USP42: variants seen among roughly 807,000 people sequenced by gnomAD.
The protein encoded by USP42 is ubiquitin specific peptidase 42.
A neutral mutation model predicts 113.0 loss-of-function variants in USP42; 23 were observed. The ratio of observed to expected loss-of-function variants is 0.20; its 90% CI spans 0.15 to 0.29. The LOEUF is 0.29. Among genes scored for constraint, USP42 ranks in the 10% least tolerant of loss-of-function variants. The probability of loss-of-function intolerance (pLI) is 1.00; values close to 1 mark genes in which losing one functional copy is unlikely to be tolerated. For synonymous variants in USP42, 933 were observed against 699.0 expected (o/e 1.33, Z -5.28); for missense variants, 2,174 against 1,779.8 (o/e 1.22, Z -3.99).
At chr7:6,117,232 C>T (rs557076744) in intron 3 of USP42, among the ~76,000 whole-genome samples, 8 of 152,252 alleles carry the variant, frequency 5.3e-5, no homozygotes, top group Non-Finnish European at 1.0e-4. Flanking sequence ...AACCACTGAT[C>T]TGCTTTCCGT....
chr7:6,097,081 T>C, the USP42 span, among the ~76,000 whole-genome samples: 2 of 150,780 alleles, frequency 1.3e-5, no homozygotes, highest in African/African-American at 5.0e-5. Context: ...TAATTTTGTA[T>C]GTTTAGTAGA....
chr7:6,135,462 A>T (rs542862947), intron 3 of USP42, among the ~76,000 whole-genome samples: 4 of 151,942 alleles, frequency 2.6e-5, no homozygotes, highest in Non-Finnish European at 4.4e-5. Context: ...AGCCTGGCTA[A>T]CATGGTGAAA....
At chr7:6,102,109 AT>A (rs370131326), upstream of USP42, among the ~76,000 whole-genome samples, 29,813 of 121,596 alleles carry the variant, frequency 0.25, 3,546 homozygotes, top group East Asian at 0.67. Context: ...GTCTCCTAAG[AT>A]TTTTTTTTTT....
At chr7:6,142,517 G>A (rs1781488392) in intron 7 of USP42, among the ~76,000 whole-genome samples, 1 of 152,068 alleles carries the variant, frequency 6.6e-6, no homozygotes, top group African/African-American at 2.4e-5. Flanking sequence ...CGCCCGCCCG[G>A]AAAATTTTCT....
chr7:6,105,293 C>T (rs2128471722), intron 1 of USP42, among the ~76,000 whole-genome samples: 1 of 147,008 alleles, frequency 6.8e-6, no homozygotes, highest in South Asian at 2.1e-4. Flanking sequence ...ACCGGGGTAG[C>T]CGGGCTGCGC....
Position 6,139,211 on chromosome 7 carries a change from G to A in USP42, c.656+17G>A, listed in dbSNP as rs748105598. 2.6e-6 allele frequency: 4 copies of A among 1,545,096 alleles called. No individual in the cohort carries two copies. Among genetic ancestry groups the A allele is most frequent in the South Asian group, 2.4e-5 (2 of 82,690 alleles). On this transcript the variant is annotated intron_variant, in intron 5 of 17. Coordinates refer to ENST00000306177, the MANE Select transcript of USP42 (RefSeq NM_032172.3). The surrounding 1 kb of genome is among the most constrained non-coding windows in gnomAD (Gnocchi z 4.5). ...CAGCAATAAGTAAGTACAACAGAGC[G>A]CCAGCCATGTCTTCATTGGGGATCT...
chr7:6,107,143 C>T (rs529956643), intron 1 of USP42, among the ~76,000 whole-genome samples: 3 of 152,230 alleles, frequency 2.0e-5, no homozygotes, highest in South Asian at 4.1e-4. Context: ...TTGGTTTTTC[C>T]ACAGTTACAA....
rs1254301159 is a variant in USP42 at position 6,150,101 on chromosome 7, C to T, written c.1905C>T (p.His635=). ...ENGIGTIVSS[H]SPGQDAEDEE... ...GGATTGGTACGATTGTGAGCTCCCA[C>T]TCTCCCGGCCAAGATGCCGAAGATG... Residue 635 remains histidine, a synonymous_variant, in exon 13 of 18, where the codon CAC becomes CAT. Transcript: ENST00000306177. 1.2e-6 allele frequency: 2 copies of T among 1,611,460 alleles called. No individual in the cohort carries two copies. The highest frequency in any genetic ancestry group is 8.5e-7 in the Non-Finnish European group (1 of 1,178,726).
intron 17 of USP42, 59 bp from the exon 18 acceptor site, chr7:6,160,496 A>G (rs1782712222): frequency 6.6e-6 from 1 of 152,090 alleles, no homozygotes; most frequent in South Asian, 2.1e-4. Context: ...GTCCGGGAAT[A>G]AGCCCTACAC....
chr7:6,152,455 C>T (rs1467889717), intron 14 of USP42, among the ~76,000 whole-genome samples: 3 of 152,234 alleles, frequency 2.0e-5, no homozygotes, highest in African/African-American at 4.8e-5. Context: ...GGGTGCTGTT[C>T]ATGCTGGCGG....
rs1244561538 is a variant in USP42, at chr7:6,159,789, C to T, written c.*36+296C>T. 6.6e-6 allele frequency among the ~76,000 whole-genome samples: 1 copy of T among 152,250 alleles called. No homozygotes were observed. Among genetic ancestry groups the T allele is most frequent in the Admixed American group, 6.5e-5 (1 of 15,284 alleles). On this transcript the variant is annotated intron_variant, in intron 17 of 17. Coordinates refer to ENST00000306177, the MANE Select transcript of USP42 (RefSeq NM_032172.3). This position sits in a 1 kb window ranked among gnomAD's most constrained non-coding sequence, Gnocchi z 4.1. ...TCACTTGGGAAAAGCCAACCCGGCT[C>T]ACAGCGGCAGAGCCCACGGGCCTTT...
chr7:6,090,827 CATAT>C, the USP42 span, among the ~76,000 whole-genome samples: 4 of 146,056 alleles, frequency 2.7e-5, no homozygotes, highest in Middle Eastern at 3.6e-3. Context: ...TAGTATATAA[CATAT>C]ATAGTGTAAA....
In USP42 at chr7:6,135,949, G is replaced by A. The variant is rs753357609; in HGVS notation, c.551G>A (p.Arg184Gln). ...IKPMFVINEM[R>Q]RIARHFRFGN... ...CCAATGTTTGTCATCAATGAGATGCGGCGTAAGTATTAACTATTGTAGTTT... is the reference window on the plus strand; with the variant it reads ...CCAATGTTTGTCATCAATGAGATGCAGCGTAAGTATTAACTATTGTAGTTT... Residue 184 changes from arginine (R) to glutamine (Q), a missense_variant and splice_region_variant, in exon 4 of 18, where the codon CGG (arginine) becomes CAG (glutamine). Coordinates refer to ENST00000306177, the MANE Select transcript of USP42 (RefSeq NM_032172.3). 6 of 1,579,834 alleles carry A rather than the reference G, an allele frequency of 3.8e-6. No individual in the cohort carries two copies. Among genetic ancestry groups the A allele is most frequent in the East Asian group, 2.2e-5 (1 of 44,450 alleles).
chr7:6,114,368 G>A (rs1441310758), intron 2 of USP42, among the ~76,000 whole-genome samples: 2 of 151,930 alleles, frequency 1.3e-5, no homozygotes, highest in African/African-American at 4.8e-5. Flanking sequence ...GGATATAAAA[G>A]AGTAATTATA....
At chr7:6,091,047 T>G in the USP42 span, among the ~76,000 whole-genome samples, 3 of 150,820 alleles carry the variant, frequency 2.0e-5, no homozygotes, top group African/African-American at 7.4e-5. Context: ...GCAGCAAGCC[T>G]TCCTTGGCCT....
chr7:6,094,047 A>AT, the USP42 span, among the ~76,000 whole-genome samples: 13 of 149,862 alleles, frequency 8.7e-5, no homozygotes, highest in South Asian at 2.1e-3. Flanking sequence ...CACCCGGCTA[A>AT]TTTTTTTTGT....
chr7:6,137,422 G>A (rs780211932), intron 4 of USP42, among the ~76,000 whole-genome samples: 2 of 151,976 alleles, frequency 1.3e-5, no homozygotes, highest in Non-Finnish European at 2.9e-5. Context: ...GCAGTGGCAC[G>A]ATCTTGGCTC....
At chr7:6,136,008 T>A (rs1313032071) in intron 4 of USP42, 57 bp downstream of exon 4, 1 of 1,151,644 alleles carries the variant, frequency 8.7e-7, no homozygotes, top group Non-Finnish European at 1.2e-6. Context: ...TATACTTTTT[T>A]TTTTTTTTTT....
intron 3 of USP42, among the ~76,000 whole-genome samples, chr7:6,127,906 C>A (rs1024278785): frequency 6.6e-6 from 1 of 151,916 alleles, no homozygotes; most frequent in African/African-American, 2.4e-5. Flanking sequence ...GTAACCATTC[C>A]TGCTTTTTTT....
Sources: gnomAD v4.1 joint callset for allele counts (sites outside exome capture counted in the v4.1 genomes callset) on GRCh38, gnomAD v4.1.1 for gene constraint, Gnocchi (gnomAD v3.1) non-coding constraint, MANE v1.5 for transcripts, NCBI Gene and HGNC (gene_info 2026-07-23, HGNC 2026-07-21) for gene names.